The following FANCI variants were observed in gnomAD, a reference collection of about 807,000 sequenced individuals.
FANCI encodes the protein Fanconi anemia group I protein.
A neutral mutation model predicts 176.1 loss-of-function variants in FANCI; 156 were observed. That is an observed-to-expected ratio of 0.89 (90% CI 0.78 to 1.01). FANCI has a LOEUF of 1.01. FANCI is among the 50% of genes least tolerant of loss of function. FANCI has a pLI of 0.00. For missense variants in FANCI, 1,678 were observed against 1,534.1 expected, an observed-to-expected ratio of 1.09 and a Z score of -1.57; for synonymous variants, 613 against 541.7, an observed-to-expected ratio of 1.13 and a Z score of -1.83.
intron 24 of FANCI, 106 bp from the exon 25 acceptor site, chr15:89,299,694 T>C: frequency 8.5e-7 from 1 of 1,178,052 alleles, no homozygotes. Context: ...ATGTAAGTTT[T>C]TTTAAACTTC....
At chr15:89,305,559 C>T (rs1261226675) in intron 30 of FANCI, 46 bp from the exon 31 acceptor site, 1 of 1,607,132 alleles carries the variant, frequency 6.2e-7, no homozygotes, top group African/African-American at 1.3e-5. Flanking sequence ...TATATTACCC[C>T]CACAGCTGTG....
intron 9 of FANCI, among the ~76,000 whole-genome samples, chr15:89,265,661 T>A (rs1402855563): frequency 6.6e-6 from 1 of 151,870 alleles, no homozygotes; most frequent in Non-Finnish European, 1.5e-5. Flanking sequence ...GTAGCTGAGA[T>A]TGCAGGCATG....
chr15:89,266,165 GTTT>G (rs34065435), intron 9 of FANCI, among the ~76,000 whole-genome samples: 4 of 109,770 alleles, frequency 3.6e-5, no homozygotes, highest in Admixed American at 9.8e-5. Context: ...CCTGGCTACT[GTTT>G]TTTTTTTTTT....
chr15:89,287,065 C>G lies in FANCI; in HGVS notation c.1821+1847C>G, dbSNP rs1301204517. ...CTCGGCTCACTGCAACCTCCGCCACCCAGGTTCAAGTGATTCTCCTGCCTC... is the reference window on the plus strand; with the variant it reads ...CTCGGCTCACTGCAACCTCCGCCACGCAGGTTCAAGTGATTCTCCTGCCTC... On this transcript the variant is annotated intron_variant, in intron 18 of 37. Transcript: ENST00000310775. 2.7e-5 allele frequency among the ~76,000 whole-genome samples: 4 copies of G among 149,602 alleles called. No individual in the cohort carries two copies. The East Asian group carries it at 7.9e-4, about 29-fold the overall frequency.
chr15:89,288,017 A>C (rs1287978525), intron 18 of FANCI, among the ~76,000 whole-genome samples: 1 of 152,236 alleles, frequency 6.6e-6, no homozygotes, highest in African/African-American at 2.4e-5. Context: ...CAGTGAGCAC[A>C]TGCTTTTGGA....
chr15:89,292,170 C>T lies in FANCI; in HGVS notation c.1992+456C>T, dbSNP rs1346744164. On this transcript the variant is annotated intron_variant, in intron 20 of 37. Transcript: ENST00000310775. Reference sequence around the variant, plus strand: ...TTCTTATCTAGCCTCAGAAGGACAGCGAAGAGGATAAAAATGGAAACTCCC... The same window carrying T: ...TTCTTATCTAGCCTCAGAAGGACAGTGAAGAGGATAAAAATGGAAACTCCC... Among the ~76,000 whole-genome samples, 6 of 152,048 alleles carry T rather than the reference C, an allele frequency of 3.9e-5. No individual in the cohort carries two copies. In the South Asian group the frequency reaches 1.0e-3, roughly 26 times the overall value.
At chr15:89,280,786 CTA>C (rs2053584556) in intron 14 of FANCI, among the ~76,000 whole-genome samples, 1 of 152,130 alleles carries the variant, frequency 6.6e-6, no homozygotes, top group African/African-American at 2.4e-5. Flanking sequence ...TGAAGAAAGA[CTA>C]TGTTTTATAC....
chr15:89,297,554 C>G (rs894678991), intron 24 of FANCI, among the ~76,000 whole-genome samples: 2 of 152,160 alleles, frequency 1.3e-5, no homozygotes, highest in Non-Finnish European at 2.9e-5. Context: ...TGGTTAGGAG[C>G]TGGAGACCAA....
At chr15:89,271,285 A>G (rs985265364) in intron 10 of FANCI, among the ~76,000 whole-genome samples, 3 of 152,116 alleles carry the variant, frequency 2.0e-5, no homozygotes. Flanking sequence ...ATCACCCTGT[A>G]AGATCTTTTA....
At chr15:89,302,510 T>A (rs903153053) in intron 27 of FANCI, among the ~76,000 whole-genome samples, 11 of 152,144 alleles carry the variant, frequency 7.2e-5, no homozygotes, top group African/African-American at 2.7e-4. Context: ...TTTTAAACTT[T>A]TAGATTTTTA....
At chr15:89,250,787 T>G (rs1014847739) in intron 2 of FANCI, among the ~76,000 whole-genome samples, 2 of 151,140 alleles carry the variant, frequency 1.3e-5, no homozygotes, top group Non-Finnish European at 3.0e-5. Context: ...TTTTGAAGAA[T>G]AATTACAGAT....
In FANCI at chr15:89,285,108, G is replaced by A. The variant is rs1381142684; in HGVS notation, c.1711G>A (p.Val571Ile). The A allele has an allele frequency of 1.2e-6, 2 of 1,613,972 alleles. No homozygotes were observed. Among genetic ancestry groups the A allele is most frequent in the Admixed American group, 1.7e-5 (1 of 60,002 alleles). The change falls in exon 18 of 38, where the codon GTT becomes ATT. Residue 571 changes from valine (V) to isoleucine (I), a missense_variant. This residue lies in a region of FANCI where 1,204 missense variants were observed against 1,077.4 expected (regional missense o/e 1.12). Coordinates refer to ENST00000310775, the MANE Select transcript of FANCI (RefSeq NM_001113378.2). ...GTCTTCCTTTCAGGTTCATGTGGAT[G>A]TTCACAGCCATTACAATTCTGTCGC... The part of the protein sequence containing the change: ...SLSVSQVHVD[V>I]HSHYNSVANE...
At chr15:89,297,365 T>C (rs1218140664) in intron 24 of FANCI, among the ~76,000 whole-genome samples, 1 of 151,390 alleles carries the variant, frequency 6.6e-6, no homozygotes, top group Non-Finnish European at 1.5e-5. Flanking sequence ...GGGTGGCGGC[T>C]GGGCAGAGGC....
intron 10 of FANCI, 61 bp from the exon 11 acceptor site, chr15:89,273,310 TAAAAAA>T: frequency 6.7e-6 from 4 of 597,156 alleles, no homozygotes; most frequent in South Asian, 1.8e-5. Context: ...TTTTTTTTTT[TAAAAAA>T]AAAAAAAAAA....
At chr15:89,282,232 C>T in intron 16 of FANCI, 1 of 215,370 alleles carries the variant, frequency 4.6e-6, no homozygotes, top group Non-Finnish European at 9.5e-6. Context: ...GTGTCAAATA[C>T]TCTGAAACCT....
At chr15:89,313,195 C>T (rs2055038436) in intron 35 of FANCI, among the ~76,000 whole-genome samples, 1 of 151,432 alleles carries the variant, frequency 6.6e-6, no homozygotes, top group African/African-American at 2.4e-5. Flanking sequence ...TATGGAATTT[C>T]TTTTGGGGGT....
At chr15:89,304,881 A>G (rs995256743) in intron 28 of FANCI, among the ~76,000 whole-genome samples, 3 of 152,040 alleles carry the variant, frequency 2.0e-5, no homozygotes, top group Non-Finnish European at 4.4e-5. Context: ...GGTTCAAGCA[A>G]TTCTCGTGCC....
chr15:89,278,267 C>G (rs1410386932), intron 13 of FANCI, among the ~76,000 whole-genome samples: 1 of 152,206 alleles, frequency 6.6e-6, no homozygotes, highest in Non-Finnish European at 1.5e-5. Flanking sequence ...TGCTGTGCTT[C>G]TAGAAACTGA....
chr15:89,292,678 T>C lies in FANCI; in HGVS notation c.1993-10T>C. 6.2e-7 allele frequency: 1 copy of C among 1,612,706 alleles called. No individual in the cohort carries two copies. The highest frequency in any genetic ancestry group is 1.7e-5 in the Admixed American group (1 of 60,024). Reference sequence around the variant, plus strand: ...TCAAGAGTATTTAATTTACTTATTTTCTCCTACAGGATTATCTGCTGTGTT... The same window carrying C: ...TCAAGAGTATTTAATTTACTTATTTCCTCCTACAGGATTATCTGCTGTGTT... On this transcript the variant is annotated splice_polypyrimidine_tract_variant and intron_variant, in intron 20 of 37. Coordinates refer to ENST00000310775, the MANE Select transcript of FANCI (RefSeq NM_001113378.2).
Sources: gnomAD v4.1 joint callset for allele counts (sites outside exome capture counted in the v4.1 genomes callset) on GRCh38, gnomAD v4.1.1 for gene constraint, gnomAD v4.1.1 regional missense constraint, MANE v1.5 for transcripts, NCBI Gene and HGNC (gene_info 2026-07-23, HGNC 2026-07-21) for gene names.